The following NRP1 variants were observed in gnomAD, a reference collection of about 807,000 sequenced individuals.
The protein encoded by NRP1 is neuropilin 1.
A neutral mutation model predicts 106.7 loss-of-function variants in NRP1; 35 were observed. That is an observed-to-expected ratio of 0.33 (90% CI 0.25 to 0.43). NRP1 has a LOEUF of 0.43. Ranked by LOEUF, NRP1 falls within the 20% of genes least tolerant of loss-of-function variation. The pLI is 1.00. For missense variants in NRP1, 1,024 were observed against 1,170.4 expected, an observed-to-expected ratio of 0.87 and a Z score of 1.83; for synonymous variants, 437 against 417.9, an observed-to-expected ratio of 1.05 and a Z score of -0.56.
At chr10:33,213,877 AC>A (rs1200539802) in intron 8 of NRP1, 160 bp from the exon 9 acceptor site, 3 of 621,398 alleles carry the variant, frequency 4.8e-6, no homozygotes, top group Non-Finnish European at 8.1e-6. Context: ...CCTCCCTCAA[AC>A]CTTCCTCCTG....
chr10:33,266,382 C>T (rs1355735822), intron 3 of NRP1, among the ~76,000 whole-genome samples: 1 of 152,304 alleles, frequency 6.6e-6, no homozygotes, highest in East Asian at 1.9e-4. Context: ...GCTGTGTAAA[C>T]TTGGGTGGCC....
At position 33,213,722 on chromosome 10, in the gene NRP1, G is replaced by T; in HGVS notation, c.1283-5C>A. ...ACATTCCAGAGCAAGGATAATCTGG[G>T]AAGTGAAATGAAACAGATAATGTAA... On this transcript the variant is annotated splice_polypyrimidine_tract_variant and splice_region_variant and intron_variant, in intron 8 of 16. Transcript: ENST00000374867. The T allele has an allele frequency of 2.6e-6, 4 of 1,559,924 alleles. No individual in the cohort carries two copies. In the Admixed American group the frequency reaches 7.6e-5, roughly 30 times the overall value.
chr10:33,260,306 T>G (rs1216328635), intron 4 of NRP1, among the ~76,000 whole-genome samples: 1 of 152,164 alleles, frequency 6.6e-6, no homozygotes, highest in Non-Finnish European at 1.5e-5. Context: ...AAAAATACAT[T>G]TTGTAGCTTT....
chr10:33,244,706 C>T (rs1841288922), intron 6 of NRP1, among the ~76,000 whole-genome samples: 1 of 152,090 alleles, frequency 6.6e-6, no homozygotes, highest in South Asian at 2.1e-4. Context: ...CCTTTTCAAC[C>T]ACAATTCTTT....
chr10:33,193,239 G>A (rs1403969186), intron 12 of NRP1, among the ~76,000 whole-genome samples: 1 of 152,104 alleles, frequency 6.6e-6, no homozygotes, highest in African/African-American at 2.4e-5. Context: ...ACAAGGTGCT[G>A]TTGGACTATG....
At chr10:33,231,164 C>T (rs1840096594) in intron 6 of NRP1, among the ~76,000 whole-genome samples, 1 of 152,154 alleles carries the variant, frequency 6.6e-6, no homozygotes, top group African/African-American at 2.4e-5. Flanking sequence ...CTCTTTTTGG[C>T]CTAGTAGGCT....
intron 15 of NRP1, 93 bp from the exon 16 acceptor site, chr10:33,182,841 A>ACACACACACACG: frequency 1.3e-6 from 1 of 789,364 alleles, no homozygotes; most frequent in South Asian, 1.5e-5. Context: ...ATGCACACAC[A>ACACACACACACG]CACACACACA....
intron 2 of NRP1, among the ~76,000 whole-genome samples, chr10:33,287,945 G>A (rs1228086399): frequency 6.6e-6 from 1 of 152,188 alleles, no homozygotes; most frequent in South Asian, 2.1e-4. Flanking sequence ...CAACGTCAGA[G>A]CTGTCTCAAG....
At chr10:33,296,984 G>A (rs1845431955) in intron 2 of NRP1, among the ~76,000 whole-genome samples, 3 of 151,522 alleles carry the variant, frequency 2.0e-5, no homozygotes, top group South Asian at 2.1e-4. Context: ...AGCCAAGATC[G>A]TGCCAAAAGA....
chr10:33,202,612 AT>A, intron 11 of NRP1: 5 of 1,506,968 alleles, frequency 3.3e-6, no homozygotes, highest in Non-Finnish European at 4.5e-6. Context: ...GGTTTAGTAC[AT>A]TTAGCCATGG....
At chr10:33,311,431 A>G (rs948752256) in intron 2 of NRP1, among the ~76,000 whole-genome samples, 7 of 152,230 alleles carry the variant, frequency 4.6e-5, no homozygotes. Context: ...CACTCGGAGA[A>G]CAGCCCCTGA....
intron 2 of NRP1, among the ~76,000 whole-genome samples, chr10:33,296,149 A>G (rs1256131056): frequency 1.3e-5 from 2 of 152,210 alleles, no homozygotes; most frequent in Non-Finnish European, 1.5e-5. Context: ...GTGATCTTCA[A>G]CACCAAAGAT....
chr10:33,208,708 G>C (rs1838023465), intron 9 of NRP1, among the ~76,000 whole-genome samples: 1 of 151,910 alleles, frequency 6.6e-6, no homozygotes. Flanking sequence ...TGTTCTAACT[G>C]CTTAAAATCT....
chr10:33,283,003 C>A (rs1844254902), intron 2 of NRP1, among the ~76,000 whole-genome samples: 1 of 152,166 alleles, frequency 6.6e-6, no homozygotes, highest in African/African-American at 2.4e-5. Flanking sequence ...CTCAGCCTCC[C>A]AAAGTGCTGG....
intron 2 of NRP1, among the ~76,000 whole-genome samples, chr10:33,318,964 G>C (rs1020497424): frequency 4.0e-5 from 6 of 150,850 alleles, no homozygotes; most frequent in African/African-American, 9.7e-5. Flanking sequence ...CTGGACTTCC[G>C]GGGTCGAGTG....
chr10:33,278,430 A>G (rs1048633311), intron 2 of NRP1, among the ~76,000 whole-genome samples: 1 of 152,186 alleles, frequency 6.6e-6, no homozygotes, highest in Non-Finnish European at 1.5e-5. Context: ...CCAGAGCAGC[A>G]ATGTGACATC....
At chr10:33,283,241 G>A (rs550005121) in intron 2 of NRP1, among the ~76,000 whole-genome samples, 69 of 152,318 alleles carry the variant, frequency 4.5e-4, no homozygotes, top group African/African-American at 1.6e-3. Context: ...GTATTAGAGA[G>A]TTTCCTCTTC....
At chr10:33,327,179 C>T (rs1847951646) in intron 2 of NRP1, among the ~76,000 whole-genome samples, 1 of 152,112 alleles carries the variant, frequency 6.6e-6, no homozygotes, top group African/African-American at 2.4e-5. Flanking sequence ...TGCAAATCAT[C>T]TCATTACTGG....
chr10:33,289,695 T>C (rs1393539062), intron 2 of NRP1, among the ~76,000 whole-genome samples: 2 of 152,226 alleles, frequency 1.3e-5, no homozygotes, highest in East Asian at 3.8e-4. Context: ...GATGAAGCTG[T>C]TAATTATTCT....
Sources: gnomAD v4.1 joint callset for allele counts (sites outside exome capture counted in the v4.1 genomes callset) on GRCh38, gnomAD v4.1.1 for gene constraint, MANE v1.5 for transcripts, NCBI Gene and HGNC (gene_info 2026-07-23, HGNC 2026-07-21) for gene names.